Variants in FLRT1 observed in about 807,000 individuals in gnomAD.
FLRT1 encodes the protein fibronectin leucine rich transmembrane protein 1.
In FLRT1, 14 loss-of-function variants were observed where a neutral mutation model predicts 30.9. The ratio of observed to expected loss-of-function variants is 0.45; its 90% CI spans 0.30 to 0.71. The LOEUF is 0.71. FLRT1 is among the 30% of genes least tolerant of loss of function. The probability of loss-of-function intolerance (pLI) is 0.08; values close to 1 mark genes in which losing one functional copy is unlikely to be tolerated. For missense variants in FLRT1, 737 were observed against 949.2 expected, an observed-to-expected ratio of 0.78 and a Z score of 2.94; for synonymous variants, 368 against 430.4, an observed-to-expected ratio of 0.85 and a Z score of 1.80.
chr11:64,092,071 C>T (rs1565228586), intron 1 of FLRT1, among the ~76,000 whole-genome samples: 1 of 152,192 alleles, frequency 6.6e-6, no homozygotes, highest in Non-Finnish European at 1.5e-5. Flanking sequence ...AAGCCAGGAC[C>T]ATAGCACACT....
intron 1 of FLRT1, among the ~76,000 whole-genome samples, chr11:64,058,979 A>G (rs1408072749): frequency 1.3e-5 from 2 of 152,106 alleles, no homozygotes; most frequent in African/African-American, 2.4e-5. Flanking sequence ...CTCTGCCCCT[A>G]CCTTCAAAAC....
At chr11:64,095,080 A>C (rs1944553899) in intron 1 of FLRT1, among the ~76,000 whole-genome samples, 1 of 152,184 alleles carries the variant, frequency 6.6e-6, no homozygotes, top group South Asian at 2.1e-4. Flanking sequence ...TGAAAAGGAA[A>C]ATATACAATG....
intron 1 of FLRT1, among the ~76,000 whole-genome samples, chr11:64,097,040 C>T (rs1944589164): frequency 6.6e-6 from 1 of 152,270 alleles, no homozygotes; most frequent in Non-Finnish European, 1.5e-5. Flanking sequence ...GAGAACTCTT[C>T]AGGCGCCTGC....
chr11:64,047,941 C>T (rs1943616309), intron 1 of FLRT1, among the ~76,000 whole-genome samples: 1 of 152,020 alleles, frequency 6.6e-6, no homozygotes, highest in Non-Finnish European at 1.5e-5. Flanking sequence ...AGCAGAGCCC[C>T]AGCCCTGCAG....
chr11:64,067,115 C>A lies in FLRT1; in HGVS notation c.-1038+30956C>A, dbSNP rs893226352. Among the ~76,000 whole-genome samples, 1 of 152,168 alleles carries A rather than the reference C, an allele frequency of 6.6e-6. No homozygotes were observed. On this transcript the variant is annotated intron_variant, in intron 1 of 2. Coordinates refer to ENST00000682287, the MANE Select transcript of FLRT1 (RefSeq NM_013280.5). The surrounding 1 kb of genome is among the most constrained non-coding windows in gnomAD (Gnocchi z 4.6). ...GGCAGAATGGAAGCCATTCTCATTA[C>A]ACCACAGGCCAGGGCCAAGTAGGCA... is the stretch of plus-strand genomic sequence containing the variant.
intron 1 of FLRT1, among the ~76,000 whole-genome samples, chr11:64,079,068 G>T (rs1232897196): frequency 6.6e-6 from 1 of 152,044 alleles, no homozygotes; most frequent in Non-Finnish European, 1.5e-5. Flanking sequence ...CAGACCGGGG[G>T]CGGTGGGGAG....
chr11:64,048,640 T>C (rs1943631500), intron 1 of FLRT1, among the ~76,000 whole-genome samples: 1 of 152,206 alleles, frequency 6.6e-6, no homozygotes, highest in African/African-American at 2.4e-5. Flanking sequence ...CTAAGCACTT[T>C]ATGCGTCATC....
In FLRT1 at chr11:64,040,090, G is replaced by T. The variant is rs1751436299; in HGVS notation, c.-1038+3931G>T. ...TGAGCATTAGTTATTGCCAGGCACA[G>T]TGCTGGGCTCTGGGACAAAAGTGGG... On this transcript the variant is annotated intron_variant, in intron 1 of 2. Transcript: ENST00000682287. Among the ~76,000 whole-genome samples, 3 of 152,268 alleles carry T rather than the reference G, an allele frequency of 2.0e-5. No individual in the cohort carries two copies. The South Asian group carries it at 6.2e-4, about 31-fold the overall frequency.
intron 1 of FLRT1, among the ~76,000 whole-genome samples, chr11:64,048,053 G>A (rs761224888): frequency 1.3e-5 from 2 of 152,128 alleles, no homozygotes; most frequent in African/African-American, 4.8e-5. Context: ...GGCCCTGCCC[G>A]CCTGAGGCCC....
At position 64,103,826 on chromosome 11, in the gene FLRT1, A is replaced by C. The variant is rs1239704987; in HGVS notation, c.-405A>C. On this transcript the variant is annotated 5_prime_UTR_variant, in exon 2 of 3. Coordinates refer to ENST00000682287, the MANE Select transcript of FLRT1 (RefSeq NM_013280.5). ...CTGGGGTCCAGAGGGGTGTCCCTGTACCCCTTGCACACAGGACCCTCACTC... is the reference window on the plus strand; with the variant it reads ...CTGGGGTCCAGAGGGGTGTCCCTGTCCCCCTTGCACACAGGACCCTCACTC... 1 of 152,126 alleles carries C rather than the reference A, an allele frequency of 6.6e-6. No individual in the cohort carries two copies. Among genetic ancestry groups the C allele is most frequent in the Non-Finnish European group, 1.5e-5 (1 of 68,026 alleles). 9.4% of individuals were successfully genotyped at this position (152,126 alleles called of 1,614,324 possible).
intron 2 of FLRT1, among the ~76,000 whole-genome samples, chr11:64,112,994 C>A (rs1450130976): frequency 2.0e-5 from 3 of 152,180 alleles, no homozygotes; most frequent in African/African-American, 7.2e-5. Context: ...CCTGCCCTGG[C>A]AGTTTGGTGA....
At chr11:64,076,321 G>A (rs531061027) in intron 1 of FLRT1, among the ~76,000 whole-genome samples, 3 of 152,316 alleles carry the variant, frequency 2.0e-5, no homozygotes, top group East Asian at 1.9e-4. Context: ...TCTGACTTGG[G>A]GTTAGGGACA....
chr11:64,041,974 G>A (rs1943495513), intron 1 of FLRT1, among the ~76,000 whole-genome samples: 1 of 152,226 alleles, frequency 6.6e-6, no homozygotes, highest in Non-Finnish European at 1.5e-5. Context: ...CCCTGAGTGG[G>A]GACTTGGGTT....
chr11:64,101,082 C>T (rs1477713520), intron 1 of FLRT1, among the ~76,000 whole-genome samples: 2 of 152,012 alleles, frequency 1.3e-5, no homozygotes, highest in African/African-American at 2.4e-5. Flanking sequence ...TTTCATGCTC[C>T]GTTGTTGCTG....
chr11:64,080,034 ATGGAGTCTCACTC>A (rs1590878415), intron 1 of FLRT1, among the ~76,000 whole-genome samples: 2 of 152,106 alleles, frequency 1.3e-5, no homozygotes, highest in African/African-American at 4.8e-5. Context: ...TAATTTTGAG[ATGGAGTCTCACTC>A]TGTCGCCCAG....
Position 64,116,296 on chromosome 11 carries a change from C to T in FLRT1, c.29C>T (p.Ala10Val), listed in dbSNP as rs781081816. Reference protein sequence around the residue: MVVAHPTATATTTPTATVTA... With the variant: MVVAHPTATVTTTPTATVTA... ...GTGGTGGCACACCCCACCGCCACTG[C>T]CACCACCACGCCCACTGCCACTGTC... The change falls in exon 3 of 3, where the codon GCC becomes GTC. Residue 10 changes from alanine to valine, a missense_variant. Coordinates refer to ENST00000682287, the MANE Select transcript of FLRT1 (RefSeq NM_013280.5). 6 of 1,604,240 alleles carry T rather than the reference C, an allele frequency of 3.7e-6. No homozygotes were observed. Among genetic ancestry groups the T allele is most frequent in the Non-Finnish European group, 5.1e-6 (6 of 1,177,602 alleles).
intron 1 of FLRT1, among the ~76,000 whole-genome samples, chr11:64,071,888 G>A (rs1227471799): frequency 6.6e-6 from 1 of 152,172 alleles, no homozygotes; most frequent in African/African-American, 2.4e-5. Context: ...GCCCTGGGAG[G>A]GCGCCTCAAG....
chr11:64,091,237 C>T (rs1300685073), intron 1 of FLRT1, among the ~76,000 whole-genome samples: 1 of 152,030 alleles, frequency 6.6e-6, no homozygotes, highest in Admixed American at 6.5e-5. Context: ...GGGTCTGCAG[C>T]CCACGGAGTG....
intron 1 of FLRT1, among the ~76,000 whole-genome samples, chr11:64,085,008 CA>C (rs1411129876): frequency 2.0e-5 from 3 of 152,240 alleles, no homozygotes; most frequent in African/African-American, 4.8e-5. Flanking sequence ...CTTACTATAA[CA>C]ATGGGTCCTA....
Sources: gnomAD v4.1 joint callset for allele counts (sites outside exome capture counted in the v4.1 genomes callset) on GRCh38, gnomAD v4.1.1 for gene constraint, Gnocchi (gnomAD v3.1) non-coding constraint, MANE v1.5 for transcripts, NCBI Gene and HGNC (gene_info 2026-07-23, HGNC 2026-07-21) for gene names.